Variants in STK10 observed in about 807,000 individuals in gnomAD.
The protein encoded by STK10 is serine/threonine-protein kinase 10.
STK10 carries 78 observed loss-of-function variants against 113.8 expected under a neutral mutation model. The observed-to-expected ratio is 0.69, with a 90% confidence interval of 0.57 to 0.83. STK10 has a LOEUF of 0.83. Among genes scored for constraint, STK10 ranks in the 40% least tolerant of loss-of-function variants. The pLI is 0.00. For missense variants in STK10, 1,109 were observed against 1,280.1 expected, an observed-to-expected ratio of 0.87 and a Z score of 2.04; for synonymous variants, 465 against 494.7, an observed-to-expected ratio of 0.94 and a Z score of 0.80.
intron 14 of STK10, among the ~76,000 whole-genome samples, chr5:172,059,067 CA>C (rs569020989): frequency 1.1e-3 from 152 of 138,220 alleles, no homozygotes; most frequent in Admixed American, 1.6e-3. Context: ...ACTAAAAATA[CA>C]AAAAAAAAAA....
chr5:172,069,274 C>T (rs1768131018), intron 12 of STK10, among the ~76,000 whole-genome samples: 1 of 151,910 alleles, frequency 6.6e-6, no homozygotes, highest in Admixed American at 6.6e-5. Flanking sequence ...GAAAGCACAA[C>T]TATATGCTGT....
At chr5:172,067,215 G>T (rs1768089711) in intron 12 of STK10, among the ~76,000 whole-genome samples, 1 of 152,106 alleles carries the variant, frequency 6.6e-6, no homozygotes, top group Admixed American at 6.5e-5. Flanking sequence ...AACTAGCTGG[G>T]TGTGGTGCCA....
chr5:172,175,744 C>T (rs1203791928), intron 1 of STK10, among the ~76,000 whole-genome samples: 1 of 152,144 alleles, frequency 6.6e-6, no homozygotes, highest in African/African-American at 2.4e-5. Flanking sequence ...CCAACAAGCC[C>T]GTTTGTCTTT....
At chr5:172,144,338 C>G (rs923570785) in intron 2 of STK10, among the ~76,000 whole-genome samples, 2 of 152,346 alleles carry the variant, frequency 1.3e-5, no homozygotes, top group African/African-American at 4.8e-5. Flanking sequence ...CCAGGCCTCC[C>G]TGCACTGAGA....
chr5:172,185,194 G>A (rs1770931992), intron 1 of STK10, among the ~76,000 whole-genome samples: 1 of 152,008 alleles, frequency 6.6e-6, no homozygotes, highest in South Asian at 2.1e-4. Flanking sequence ...GTGAAGCCAG[G>A]ACACACTGCG....
At chr5:172,105,589 C>T in intron 7 of STK10, 67 bp downstream of exon 7, 1 of 1,545,764 alleles carries the variant, frequency 6.5e-7, no homozygotes, top group South Asian at 1.1e-5. Context: ...TGCCCAGCGT[C>T]CAGGTCACTG....
At chr5:172,182,079 C>T (rs1035968103) in intron 1 of STK10, among the ~76,000 whole-genome samples, 6 of 151,462 alleles carry the variant, frequency 4.0e-5, no homozygotes, top group Admixed American at 6.6e-5. Context: ...CTGAGGCGGG[C>T]GGATCACAAG....
chr5:172,138,462 G>A (rs1430043408), intron 2 of STK10, among the ~76,000 whole-genome samples: 1 of 152,114 alleles, frequency 6.6e-6, no homozygotes, highest in East Asian at 1.9e-4. Context: ...AATCTTATAT[G>A]TAGAAAATGC....
chr5:172,119,692 G>A (rs7707535), intron 3 of STK10, among the ~76,000 whole-genome samples: 35,798 of 145,874 alleles, frequency 0.25, 5,701 homozygotes, highest in African/African-American at 0.45. Flanking sequence ...GTGAAACCCC[G>A]TCTCTACTAA....
intron 2 of STK10, among the ~76,000 whole-genome samples, chr5:172,144,902 C>T (rs1428583108): frequency 2.6e-5 from 4 of 152,102 alleles, no homozygotes; most frequent in Admixed American, 6.6e-5. Context: ...CACCTAACTA[C>T]GCGTGCCCAA....
chr5:172,176,966 G>T (rs1770770007), intron 1 of STK10, among the ~76,000 whole-genome samples: 1 of 152,158 alleles, frequency 6.6e-6, no homozygotes, highest in Admixed American at 6.5e-5. Context: ...TTGAAGCCAG[G>T]AGTTTGAGAC....
chr5:172,095,581 T>C (rs569164545), intron 8 of STK10, among the ~76,000 whole-genome samples: 2 of 152,372 alleles, frequency 1.3e-5, no homozygotes, highest in Middle Eastern at 3.4e-3. Flanking sequence ...AGGGGCTCCA[T>C]GCATGGCGGG....
chr5:172,144,729 AG>A (rs1770051608), intron 2 of STK10, among the ~76,000 whole-genome samples: 1 of 152,156 alleles, frequency 6.6e-6, no homozygotes, highest in South Asian at 2.1e-4. Flanking sequence ...CCCATGGGCA[AG>A]GGCATCTGGA....
chr5:172,162,850 G>A (rs1483189125), intron 1 of STK10, among the ~76,000 whole-genome samples: 3 of 152,186 alleles, frequency 2.0e-5, no homozygotes, highest in African/African-American at 7.2e-5. Flanking sequence ...AGGCCCAGGT[G>A]GGGACCATTT....
At chr5:172,128,142 A>T (rs1681478998) in intron 2 of STK10, among the ~76,000 whole-genome samples, 1 of 148,636 alleles carries the variant, frequency 6.7e-6, no homozygotes, top group Non-Finnish European at 1.5e-5. Context: ...CGATTACAGT[A>T]GAAAGGTCCT....
chr5:172,129,074 C>T (rs3776760), intron 2 of STK10, among the ~76,000 whole-genome samples: 20,376 of 152,208 alleles, frequency 0.13, 1,681 homozygotes, highest in African/African-American at 0.24. Flanking sequence ...AGGTCACTTC[C>T]GTCCTCTGAG....
intron 2 of STK10, among the ~76,000 whole-genome samples, chr5:172,146,459 C>T (rs1233419610): frequency 1.3e-5 from 2 of 152,284 alleles, no homozygotes; most frequent in Middle Eastern, 3.4e-3. Flanking sequence ...ACAAGGAAAA[C>T]GGAACACAGC....
intron 13 of STK10, 90 bp from the exon 14 acceptor site, chr5:172,061,358 T>C: frequency 6.8e-7 from 1 of 1,480,086 alleles, no homozygotes; most frequent in Non-Finnish European, 8.9e-7. Context: ...GCCCGCGTGA[T>C]CAGAGAAGAA....
At chr5:172,067,840 C>T (rs1233917192) in intron 12 of STK10, among the ~76,000 whole-genome samples, 2 of 151,898 alleles carry the variant, frequency 1.3e-5, no homozygotes, top group African/African-American at 2.4e-5. Context: ...TTATCAAAAG[C>T]TCAATGAAAC....
Sources: allele counts gnomAD v4.1 joint callset (sites outside exome capture counted in the v4.1 genomes callset), GRCh38; gene constraint gnomAD v4.1.1; transcripts MANE v1.5; gene names NCBI Gene and HGNC (gene_info 2026-07-23, HGNC 2026-07-21).